RORA: variants seen among roughly 807,000 people sequenced by gnomAD.
The protein encoded by RORA is RAR related orphan receptor A.
RORA carries 7 observed loss-of-function variants against 69.5 expected under a neutral mutation model. That is an observed-to-expected ratio of 0.10 (90% CI 0.06 to 0.19). RORA has a LOEUF of 0.19. Among genes scored for constraint, RORA ranks in the 10% least tolerant of loss-of-function variants. The pLI, the probability that RORA is intolerant of heterozygous loss-of-function variation, is 1.00. For missense variants in RORA, 457 were observed against 663.0 expected (o/e 0.69, Z 3.41); for synonymous variants, 261 against 240.8 (o/e 1.08, Z -0.78).
At chr15:60,824,343 T>C (rs1196036724) in intron 1 of RORA, among the ~76,000 whole-genome samples, 1 of 152,218 alleles carries the variant, frequency 6.6e-6, no homozygotes, top group Non-Finnish European at 1.5e-5. Context: ...TTCTTGGATA[T>C]GATTTGGGGG....
intron 1 of RORA, among the ~76,000 whole-genome samples, chr15:60,681,271 T>G (rs551593396): frequency 6.6e-6 from 1 of 152,212 alleles, no homozygotes; most frequent in Non-Finnish European, 1.5e-5. Context: ...AAAGTTATAT[T>G]AAACTGGAAG....
chr15:60,677,547 C>G (rs1414844138), intron 2 of RORA, among the ~76,000 whole-genome samples: 2 of 151,180 alleles, frequency 1.3e-5, no homozygotes, highest in Non-Finnish European at 2.9e-5. Context: ...AGTCAGGCAA[C>G]TTCTCATCCA....
intron 1 of RORA, among the ~76,000 whole-genome samples, chr15:60,944,982 C>T (rs777898441): frequency 6.6e-5 from 10 of 151,932 alleles, no homozygotes; most frequent in African/African-American, 9.7e-5. Flanking sequence ...AACAGATGCC[C>T]GATAGGAGCA....
intron 2 of RORA, among the ~76,000 whole-genome samples, chr15:60,562,697 T>G (rs1043859936): frequency 3.3e-5 from 5 of 151,762 alleles, no homozygotes; most frequent in African/African-American, 1.2e-4. Context: ...CCACCCGCCT[T>G]GGCCTCCCAA....
At chr15:60,519,916 C>T (rs1043954756) in intron 3 of RORA, 2 of 152,154 alleles carry the variant, frequency 1.3e-5, no homozygotes, top group African/African-American at 4.8e-5. Flanking sequence ...GTAATTATGC[C>T]ATAAGTTGCA....
chr15:60,623,451 G>C (rs2069474202), intron 2 of RORA, among the ~76,000 whole-genome samples: 1 of 152,190 alleles, frequency 6.6e-6, no homozygotes, highest in Admixed American at 6.5e-5. Context: ...TATTTACCCA[G>C]GGCTGATATA....
chr15:61,093,869 G>A (rs978960985), intron 1 of RORA, among the ~76,000 whole-genome samples: 1 of 152,188 alleles, frequency 6.6e-6, no homozygotes, highest in Non-Finnish European at 1.5e-5. Flanking sequence ...GTTTGGGCAG[G>A]CACATACTGA....
chr15:61,081,271 T>C (rs1291180512), intron 1 of RORA, among the ~76,000 whole-genome samples: 1 of 152,236 alleles, frequency 6.6e-6, no homozygotes, highest in Non-Finnish European at 1.5e-5. Flanking sequence ...CTGAAAAGGC[T>C]AACTTTGTCT....
chr15:60,492,006 CAT>C lies in RORA; in HGVS notation c.*5447_*5448del, dbSNP rs1350476263. On this transcript the variant is annotated 3_prime_UTR_variant, in exon 11 of 11. Transcript: ENST00000335670. ...ATAACTTTATAAGAAGTGGCAATCACATGTTATGTAAAAATGTCAACGTGTGT... is the reference window on the plus strand; with the variant it reads ...ATAACTTTATAAGAAGTGGCAATCACGTTATGTAAAAATGTCAACGTGTGT... The C allele has an allele frequency of 2.7e-4, 16 of 58,526 alleles. No homozygotes were observed. The highest frequency in any genetic ancestry group is 5.0e-4 in the Non-Finnish European group (14 of 28,146). The allele number at this position is 58,526 out of a possible 1,614,324, so 3.6% of individuals were successfully genotyped here. A position where few individuals can be genotyped will look rare whatever the true frequency, so the allele number is the denominator to read the frequency against.
intron 2 of RORA, among the ~76,000 whole-genome samples, chr15:60,589,643 G>A (rs1341817536): frequency 6.6e-6 from 1 of 152,184 alleles, no homozygotes; most frequent in Non-Finnish European, 1.5e-5. Context: ...TGAAGGATGA[G>A]ACTAGAGTTA....
chr15:60,769,804 C>T (rs1405692562), intron 1 of RORA, among the ~76,000 whole-genome samples: 2 of 152,162 alleles, frequency 1.3e-5, no homozygotes, highest in East Asian at 3.8e-4. Context: ...ATTAGCCACC[C>T]ATTGTCCCCC....
chr15:61,122,071 T>C lies in RORA; in HGVS notation c.166+106982A>G, dbSNP rs568916383. 7.2e-5 allele frequency among the ~76,000 whole-genome samples: 11 copies of C among 152,330 alleles called. No individual in the cohort carries two copies. The East Asian group carries it at 1.9e-3, about 27-fold the overall frequency. ...TGTAAGAGGAAAAATATTCACTTGG[T>C]ATTTCTGGATCACCTCTCTGCTCTT... On this transcript the variant is annotated intron_variant, in intron 1 of 10. Coordinates refer to ENST00000335670, the MANE Select transcript of RORA (RefSeq NM_134261.3).
At chr15:61,145,721 T>A (rs1055243155) in intron 1 of RORA, among the ~76,000 whole-genome samples, 1 of 152,204 alleles carries the variant, frequency 6.6e-6, no homozygotes, top group African/African-American at 2.4e-5. Flanking sequence ...TTCAAAAGAC[T>A]GAGGTGGAAT....
intron 1 of RORA, among the ~76,000 whole-genome samples, chr15:60,936,652 CG>C (rs1892531598): frequency 6.6e-6 from 1 of 152,240 alleles, no homozygotes; most frequent in African/African-American, 2.4e-5. Flanking sequence ...GCCAGAGTGA[CG>C]GGCACTGCCT....
At chr15:60,741,956 G>A (rs537400500) in intron 1 of RORA, among the ~76,000 whole-genome samples, 3 of 152,192 alleles carry the variant, frequency 2.0e-5, no homozygotes, top group South Asian at 2.1e-4. Flanking sequence ...CAGCGCCTGC[G>A]AGTTCCTTCC....
chr15:61,031,872 A>C (rs1896189416), intron 1 of RORA, among the ~76,000 whole-genome samples: 2 of 152,194 alleles, frequency 1.3e-5, no homozygotes, highest in African/African-American at 4.8e-5. Flanking sequence ...ATAGAAGTTC[A>C]TGTGTACTAT....
Position 61,115,206 on chromosome 15 carries a change from G to A in RORA, c.166+113847C>T, listed in dbSNP as rs551351429. 9.9e-5 allele frequency among the ~76,000 whole-genome samples: 15 copies of A among 152,104 alleles called. No homozygotes were observed. In the East Asian group the frequency reaches 1.9e-3, roughly 20 times the overall value. On this transcript the variant is annotated intron_variant, in intron 1 of 10. Transcript: ENST00000335670. ...ATCTCCAGAGTCCACCAGGGAGCTG[G>A]CTTTCGCATCCTTTAATTTGGCTGC...
intron 1 of RORA, among the ~76,000 whole-genome samples, chr15:61,043,615 C>G (rs573177669): frequency 6.6e-6 from 1 of 152,166 alleles, no homozygotes; most frequent in Non-Finnish European, 1.5e-5. Context: ...GCACTGTGGC[C>G]TGGGTTTATG....
At chr15:61,185,502 T>C (rs1292832904) in intron 1 of RORA, among the ~76,000 whole-genome samples, 3 of 152,206 alleles carry the variant, frequency 2.0e-5, no homozygotes, top group Admixed American at 6.5e-5. Flanking sequence ...TGCCCCGACA[T>C]TGGCAAAACC....
Sources: gnomAD v4.1 joint callset for allele counts (sites outside exome capture counted in the v4.1 genomes callset) on GRCh38, gnomAD v4.1.1 for gene constraint, MANE v1.5 for transcripts, NCBI Gene and HGNC (gene_info 2026-07-23, HGNC 2026-07-21) for gene names.